Variants in KIAA0930 observed in about 807,000 individuals in gnomAD.
The protein encoded by KIAA0930 is uncharacterized protein KIAA0930.
A neutral mutation model predicts 43.9 loss-of-function variants in KIAA0930; 24 were observed. That is an observed-to-expected ratio of 0.55 (90% CI 0.40 to 0.77). KIAA0930 has a LOEUF of 0.77. KIAA0930 is among the 30% of genes least tolerant of loss of function. KIAA0930 has a pLI of 0.00. For missense variants in KIAA0930, 461 were observed against 574.2 expected (o/e 0.80, Z 2.02); for synonymous variants, 259 against 216.4 (o/e 1.20, Z -1.73).
chr22:45,234,002 C>T (rs1722054871), intron 1 of KIAA0930, among the ~76,000 whole-genome samples: 1 of 152,240 alleles, frequency 6.6e-6, no homozygotes, highest in Non-Finnish European at 1.5e-5. Context: ...CCCAATCCCA[C>T]AGAACCCTTA....
intron 5 of KIAA0930, among the ~76,000 whole-genome samples, chr22:45,204,599 C>T (rs2083619096): frequency 6.6e-6 from 1 of 152,178 alleles, no homozygotes; most frequent in African/African-American, 2.4e-5. Context: ...CCTCCTAAGT[C>T]CTCAGGGCCC....
chr22:45,234,302 G>A (rs944822875), intron 1 of KIAA0930, among the ~76,000 whole-genome samples: 1 of 151,972 alleles, frequency 6.6e-6, no homozygotes, highest in Admixed American at 6.5e-5. Flanking sequence ...GGAAGAGGGG[G>A]CCTCTGCTTC....
chr22:45,227,295 T>C (rs1033463557), intron 1 of KIAA0930, among the ~76,000 whole-genome samples: 1 of 152,044 alleles, frequency 6.6e-6, no homozygotes, highest in Non-Finnish European at 1.5e-5. Flanking sequence ...GCAGGCAACG[T>C]CCTTGGAAAT....
At chr22:45,237,216 G>A (rs1369237714) in intron 1 of KIAA0930, among the ~76,000 whole-genome samples, 1 of 152,252 alleles carries the variant, frequency 6.6e-6, no homozygotes, top group East Asian at 1.9e-4. Context: ...TCCTGTGGAT[G>A]CAACACCAAA....
At chr22:45,211,812 G>C in intron 2 of KIAA0930, 144 bp downstream of exon 2, 1 of 842,438 alleles carries the variant, frequency 1.2e-6, no homozygotes, top group Non-Finnish European at 1.9e-6. Context: ...CACAGTTCCT[G>C]GAATACAGTA....
At chr22:45,199,312 T>C (rs2083565126) in intron 8 of KIAA0930, among the ~76,000 whole-genome samples, 2 of 152,106 alleles carry the variant, frequency 1.3e-5, no homozygotes, top group African/African-American at 4.8e-5. Context: ...CTAAGGGGCA[T>C]GGTAACACCC....
chr22:45,203,236 G>T, intron 6 of KIAA0930, 52 bp from the exon 7 acceptor site: 2 of 1,526,552 alleles, frequency 1.3e-6, no homozygotes, highest in South Asian at 1.3e-5. Context: ...ATGGCTCCAT[G>T]GGGCCCCTCC....
At chr22:45,210,051 G>A (rs916080192) in intron 2 of KIAA0930, among the ~76,000 whole-genome samples, 3 of 152,058 alleles carry the variant, frequency 2.0e-5, no homozygotes, top group Admixed American at 6.6e-5. Context: ...CACACAACCC[G>A]TCCTCCCACC....
chr22:45,226,413 C>T (rs766829187), intron 1 of KIAA0930: 47 of 441,302 alleles, frequency 1.1e-4, no homozygotes, highest in Non-Finnish European at 9.5e-6. Flanking sequence ...AAACCCTGAC[C>T]TCAAGGTGCC....
chr22:45,203,385 C>A (rs1286446746), intron 6 of KIAA0930, among the ~76,000 whole-genome samples: 1 of 152,188 alleles, frequency 6.6e-6, no homozygotes, highest in Non-Finnish European at 1.5e-5. Flanking sequence ...CTCCCACCGC[C>A]CCATGAACCA....
intron 1 of KIAA0930, among the ~76,000 whole-genome samples, chr22:45,223,520 T>A (rs1205004549): frequency 2.6e-5 from 4 of 152,092 alleles, no homozygotes; most frequent in Non-Finnish European, 2.9e-5. Context: ...TGAAAGTTAG[T>A]CCATCCACGT....
intron 2 of KIAA0930, among the ~76,000 whole-genome samples, chr22:45,210,274 G>C (rs1208776529): frequency 6.6e-6 from 1 of 152,224 alleles, no homozygotes; most frequent in African/African-American, 2.4e-5. Context: ...GACGGAGGCA[G>C]GGGTGGGGTC....
At position 45,240,686 on chromosome 22, in the gene KIAA0930, C is replaced by T; in HGVS notation, c.18G>A (p.Ala6=). MLRAI[A]EERGRLSLRR... ...GCAGGCTAAGACGGCCGCGCTCCTCCGCTATGGCACGCAGCATGTGCTGCA... is the reference window on the plus strand; with the variant it reads ...GCAGGCTAAGACGGCCGCGCTCCTCTGCTATGGCACGCAGCATGTGCTGCA... Residue 6 remains alanine, a synonymous_variant, in exon 1 of 10, where the codon GCG becomes GCA. Coordinates refer to ENST00000336156, the MANE Select transcript of KIAA0930 (RefSeq NM_001009880.2). 2 of 1,442,946 alleles carry T rather than the reference C, an allele frequency of 1.4e-6. No homozygotes were observed. The highest frequency in any genetic ancestry group is 1.8e-6 in the Non-Finnish European group (2 of 1,107,474). The allele number at this position is 1,442,946 out of a possible 1,614,324, so 89.4% of individuals were successfully genotyped here.
chr22:45,209,243 G>A (rs999913234), intron 2 of KIAA0930, among the ~76,000 whole-genome samples: 4 of 152,180 alleles, frequency 2.6e-5, no homozygotes, highest in Non-Finnish European at 5.9e-5. Flanking sequence ...GAAGTAGCCA[G>A]GCTCCCGCAG....
intron 1 of KIAA0930, chr22:45,213,198 G>A (rs1158939465): frequency 1.3e-6 from 1 of 794,274 alleles, no homozygotes; most frequent in Non-Finnish European, 1.8e-6. Flanking sequence ...CCCAGCCTTG[G>A]TTGACGTCAG....
At chr22:45,215,340 G>A (rs1839397307) in intron 1 of KIAA0930, among the ~76,000 whole-genome samples, 1 of 152,126 alleles carries the variant, frequency 6.6e-6, no homozygotes, top group African/African-American at 2.4e-5. Context: ...TGCTGGCAAG[G>A]GTGCATTGAA....
At chr22:45,220,568 G>C (rs4823451) in intron 1 of KIAA0930, among the ~76,000 whole-genome samples, 120,819 of 152,180 alleles carry the variant, frequency 0.79, 48,513 homozygotes, top group African/African-American at 0.92. Context: ...AATTCAACAC[G>C]CATTCTTGAT....
intron 3 of KIAA0930, 23 bp downstream of exon 3, chr22:45,205,770 G>GCGGGCCCCC: frequency 1.3e-6 from 2 of 1,523,774 alleles, no homozygotes; most frequent in Non-Finnish European, 9.1e-7. Context: ...CCAATCCGCA[G>GCGGGCCCCC]CCCCACCCAT....
In KIAA0930 at chr22:45,203,761, G is replaced by T. The variant is rs557232096; in HGVS notation, c.657+84C>A. 4 of 1,498,624 alleles carry T rather than the reference G, an allele frequency of 2.7e-6. No homozygotes were observed. In the East Asian group the frequency reaches 9.7e-5, roughly 36 times the overall value. The allele number at this position is 1,498,624 out of a possible 1,614,324, so 92.8% of individuals were successfully genotyped here. ...GCTACCATGCACAAGCAGGCTGGGG[G>T]GCCCCATGGTATGGACCACGGTGGG... On this transcript the variant is annotated intron_variant, in intron 6 of 9. Transcript: ENST00000336156.
Sources: allele counts gnomAD v4.1 joint callset (sites outside exome capture counted in the v4.1 genomes callset), GRCh38; gene constraint gnomAD v4.1.1; transcripts MANE v1.5; gene names NCBI Gene and HGNC (gene_info 2026-07-23, HGNC 2026-07-21).